The following TNRC18 variants were observed in gnomAD, a reference collection of about 807,000 sequenced individuals.
TNRC18 encodes trinucleotide repeat-containing gene 18 protein.
Under a neutral mutation model 226.7 loss-of-function variants are expected in TNRC18, and 69 were observed. The observed-to-expected ratio is 0.30, with a 90% CI of 0.25 to 0.37. TNRC18 has a LOEUF of 0.37. Ranked by LOEUF, TNRC18 falls within the 10% of genes least tolerant of loss-of-function variation. TNRC18 has a pLI of 1.00. For missense variants in TNRC18, 4,754 were observed against 4,256.6 expected (o/e 1.12, Z -3.25); for synonymous variants, 2,449 against 1,927.6 (o/e 1.27, Z -7.09).
chr7:5,353,150 G>A (rs551773889), intron 16 of TNRC18, among the ~76,000 whole-genome samples: 9 of 152,282 alleles, frequency 5.9e-5, no homozygotes, highest in South Asian at 2.1e-4. Context: ...GTCAAAGTGC[G>A]CTCTCTCTTG....
At position 5,388,836 on chromosome 7, in the gene TNRC18, G is replaced by T. The variant is rs1780035995; in HGVS notation, c.988C>A (p.Pro330Thr). 4 of 1,213,466 alleles carry T rather than the reference G, an allele frequency of 3.3e-6. No homozygotes were observed. The highest frequency in any genetic ancestry group is 4.1e-6 in the Non-Finnish European group (4 of 973,448). 75.2% of individuals were successfully genotyped at this position (1,213,466 alleles called of 1,614,324 possible). ...GGCGGGGGCAGCGGTGAGGGGCAGG[G>T]GCGCGGCCCAGGGAGCAGGGTCTCC... ...RTETLLPGPRPCPSPLPPPPA... is the reference protein window; with the variant it reads ...RTETLLPGPRTCPSPLPPPPA... The change falls in exon 5 of 30, where the codon CCC becomes ACC. Residue 330 changes from proline to threonine, a missense_variant. Coordinates refer to ENST00000430969, the MANE Select transcript of TNRC18 (RefSeq NM_001080495.3).
rs759389800 is a variant in TNRC18, at chr7:5,376,107, C to T, written c.2726G>A (p.Arg909Gln). 8.2e-6 allele frequency: 13 copies of T among 1,591,858 alleles called. No individual in the cohort carries two copies. The highest frequency in any genetic ancestry group is 4.6e-5 in the East Asian group (2 of 43,728). The change falls in exon 9 of 30, where the codon CGG becomes CAG. Residue 909 changes from arginine to glutamine, a missense_variant. Transcript: ENST00000430969. ...CTGCAGGTACAGGAACTCCTGCTGC[C>T]GCAGGAAGTGCTGCTGTGAGAAGAG... Reference protein sequence around the residue: ...LQLFSQQHFLRQQEFLYLQQQ... With the variant: ...LQLFSQQHFLQQQEFLYLQQQ...
At chr7:5,403,740 T>G (rs958465858) in intron 2 of TNRC18, among the ~76,000 whole-genome samples, 3 of 151,518 alleles carry the variant, frequency 2.0e-5, no homozygotes, top group African/African-American at 7.3e-5. Flanking sequence ...CATTGAGCTA[T>G]GGTTGCACCA....
rs994128822 is a variant in TNRC18 at position 5,390,469 on chromosome 7, C to T, written c.487+16G>A. The stretch of plus-strand genomic sequence containing the variant: ...AAGGCCCCTGTGCCACCCCCAACCC[C>T]GGACTCCAGTCTTACCTCCTCCTGG... On this transcript the variant is annotated intron_variant, in intron 4 of 29. Coordinates refer to ENST00000430969, the MANE Select transcript of TNRC18 (RefSeq NM_001080495.3). The T allele has an allele frequency of 1.8e-5, 29 of 1,613,276 alleles. No homozygotes were observed. Among genetic ancestry groups the T allele is most frequent in the South Asian group, 2.2e-5 (2 of 91,044 alleles).
At chr7:5,333,100 C>T in intron 18 of TNRC18, 51 bp from the exon 19 acceptor site, 1 of 1,529,570 alleles carries the variant, frequency 6.5e-7, no homozygotes, top group Non-Finnish European at 8.8e-7. Context: ...GGACCCCTTC[C>T]CTCCCACCCA....
Position 5,389,221 on chromosome 7 carries a change from C to A in TNRC18, c.603G>T (p.Ser201=). Residue 201 remains serine, a synonymous_variant, in exon 5 of 30, where the codon TCG becomes TCT. Coordinates refer to ENST00000430969, the MANE Select transcript of TNRC18 (RefSeq NM_001080495.3). ...CCCGCTCCTTGGCTGGACCGTCCCG[C>A]GACGACGAGCCTTTGGCCGGGGCGC... The part of the protein sequence containing the change: ...SSGAPAKGSS[S]RDGPAKERAG... 4.5e-6 allele frequency: 6 copies of A among 1,333,784 alleles called. No individual in the cohort carries two copies. The highest frequency in any genetic ancestry group is 5.8e-6 in the Non-Finnish European group (6 of 1,043,056). 82.6% of individuals were successfully genotyped at this position (1,333,784 alleles called of 1,614,324 possible).
Position 5,309,255 on chromosome 7 carries a change from G to C in TNRC18, c.8502C>G (p.Asn2834Lys). 6.2e-7 allele frequency: 1 copy of C among 1,613,900 alleles called. No homozygotes were observed. Among genetic ancestry groups the C allele is most frequent in the Non-Finnish European group, 8.5e-7 (1 of 1,179,826 alleles). Residue 2834 changes from asparagine to lysine, a missense_variant, in exon 28 of 30, where the codon AAC (asparagine) becomes AAG (lysine). By Grantham distance (94) the Asn-to-Lys change is moderately conservative. Coordinates refer to ENST00000430969, the MANE Select transcript of TNRC18 (RefSeq NM_001080495.3). This position sits in a 1 kb window ranked among gnomAD's most constrained non-coding sequence, Gnocchi z 5.7. ...TCTGGATGCGGCCGATGTAGGGCAG[G>C]TTGGGGCGGCCGGCAGAGAGGAACA... ...CAVFLSAGRP[N>K]LPYIGRIQSM...
At chr7:5,308,763 G>A (rs1482480810) in intron 29 of TNRC18, 112 bp downstream of exon 29, 8 of 1,214,202 alleles carry the variant, frequency 6.6e-6, no homozygotes, top group Non-Finnish European at 8.2e-6. Flanking sequence ...GTCAGAGGCT[G>A]AGGGAGACCA....
intron 22 of TNRC18, 148 bp from the exon 23 acceptor site, chr7:5,320,755 C>A: frequency 1.4e-6 from 1 of 704,284 alleles, no homozygotes; most frequent in South Asian, 1.9e-5. Flanking sequence ...GGGAATTCTC[C>A]CCCTTTTCTG....
Position 5,359,684 on chromosome 7 carries a change from G to A in TNRC18, c.4662-115C>T. 1.4e-5 allele frequency: 17 copies of A among 1,183,916 alleles called. 3 individuals carry two copies. The South Asian group carries it at 2.2e-4, about 15-fold the overall frequency. The allele number at this position is 1,183,916 out of a possible 1,614,324, so 73.3% of individuals were successfully genotyped here. ...CTGGACCCTGAGCGTGGACAGTGAT[G>A]GCAGAGTGACGGGCGTGGGGAGATG... On this transcript the variant is annotated intron_variant, in intron 14 of 29. Transcript: ENST00000430969.
chr7:5,383,240 G>C (rs908792959), intron 5 of TNRC18, among the ~76,000 whole-genome samples: 2 of 152,118 alleles, frequency 1.3e-5, no homozygotes, highest in Non-Finnish European at 2.9e-5. Context: ...TTGGGCATGG[G>C]GGCTCTGACT....
Position 5,314,997 on chromosome 7 carries a change from G to A in TNRC18, c.7014C>T (p.Ala2338=). 6.2e-7 allele frequency: 1 copy of A among 1,606,794 alleles called. No homozygotes were observed. Among genetic ancestry groups the A allele is most frequent in the Non-Finnish European group, 8.5e-7 (1 of 1,177,720 alleles). ...KARGRGRKPS[A]KAKGDRAATL... ...AGGCCAACCTACCACCCTTGGCCTT[G>A]GCGCTGGGTTTCCGCCCACGCCCAC... The change falls in exon 26 of 30, where the codon GCC becomes GCT. Residue 2338 remains alanine (A), a synonymous_variant. Coordinates refer to ENST00000430969, the MANE Select transcript of TNRC18 (RefSeq NM_001080495.3).
rs1276084798 is a variant in TNRC18, at chr7:5,324,095, C to T, written c.6442+119G>A. 2 of 1,160,824 alleles carry T rather than the reference C, an allele frequency of 1.7e-6. No homozygotes were observed. The highest frequency in any genetic ancestry group is 3.1e-5 in the African/African-American group (2 of 64,736). 71.9% of individuals were successfully genotyped at this position (1,160,824 alleles called of 1,614,324 possible). On this transcript the variant is annotated intron_variant, in intron 21 of 29. Coordinates refer to ENST00000430969, the MANE Select transcript of TNRC18 (RefSeq NM_001080495.3). This position sits in a 1 kb window ranked among gnomAD's most constrained non-coding sequence, Gnocchi z 4.8. ...TAACTCAGCCTCAGGATCTCTGCTC[C>T]TGTGGTTCCCTGCCCCCAGCTAGCC... is the stretch of plus-strand genomic sequence containing the variant.
At chr7:5,417,378 G>A (rs916182119) in intron 2 of TNRC18, among the ~76,000 whole-genome samples, 3 of 151,544 alleles carry the variant, frequency 2.0e-5, no homozygotes, top group Non-Finnish European at 4.4e-5. Context: ...GCTGAGGTAG[G>A]AGGATGGACT....
At chr7:5,407,207 C>G (rs1031487319) in intron 2 of TNRC18, 12 of 152,590 alleles carry the variant, frequency 7.9e-5, no homozygotes, top group African/African-American at 2.6e-4. Context: ...CGCCGCCGTT[C>G]TGGAACTCCC....
intron 19 of TNRC18, among the ~76,000 whole-genome samples, chr7:5,329,136 C>A (rs1789245618): frequency 6.6e-6 from 1 of 151,610 alleles, no homozygotes. Flanking sequence ...AACCTTGTCT[C>A]TACTAAAAAT....
At chr7:5,421,998 G>C (rs1782615084) in intron 1 of TNRC18, among the ~76,000 whole-genome samples, 1 of 152,122 alleles carries the variant, frequency 6.6e-6, no homozygotes, top group Non-Finnish European at 1.5e-5. Context: ...GGTTTTTCCT[G>C]AGCTCGCCTT....
At chr7:5,380,594 CGCCTGGACACGGGCCTCCAGGGCT>C (rs1473501584) in intron 5 of TNRC18, among the ~76,000 whole-genome samples, 2 of 152,170 alleles carry the variant, frequency 1.3e-5, no homozygotes, top group Non-Finnish European at 2.9e-5. Context: ...TTGACGAGGG[CGCCTGGACACGGGCCTCCAGGGCT>C]ACCTGGACCT....
intron 18 of TNRC18, among the ~76,000 whole-genome samples, chr7:5,341,283 GTGGCGGGC>G (rs1479764840): frequency 6.6e-6 from 1 of 151,588 alleles, no homozygotes; most frequent in Non-Finnish European, 1.5e-5. Flanking sequence ...GCCAGGCATG[GTGGCGGGC>G]ACCTGTAGTC....
Sources: allele counts gnomAD v4.1 joint callset (sites outside exome capture counted in the v4.1 genomes callset), GRCh38; gene constraint gnomAD v4.1.1; non-coding constraint Gnocchi (gnomAD v3.1); transcripts MANE v1.5; gene names NCBI Gene and HGNC (gene_info 2026-07-23, HGNC 2026-07-21).